Variants in GLIPR2 observed in about 807,000 individuals in gnomAD.
The protein encoded by GLIPR2 is Golgi-associated plant pathogenesis-related protein 1.
In GLIPR2, 21 loss-of-function variants were observed where a neutral mutation model predicts 20.4. The observed-to-expected ratio is 1.03, with a 90% CI of 0.73 to 1.48. The LOEUF (loss-of-function observed/expected upper bound fraction) is 1.48, where lower values mean the gene tolerates loss of function less well. GLIPR2 is among the 40% of genes most tolerant of loss of function. GLIPR2 has a pLI of 0.00. For synonymous variants in GLIPR2, 91 were observed against 80.5 expected, an observed-to-expected ratio of 1.13 and a Z score of -0.70; for missense variants, 205 against 200.1, an observed-to-expected ratio of 1.02 and a Z score of -0.15.
intron 4 of GLIPR2, among the ~76,000 whole-genome samples, chr9:36,154,311 C>T (rs984990010): frequency 6.6e-6 from 1 of 152,036 alleles, no homozygotes; most frequent in Non-Finnish European, 1.5e-5. Context: ...CTTTCCTGCC[C>T]AAGAGACAAC....
In GLIPR2 at chr9:36,138,027, G is replaced by A. The variant is rs182739858; in HGVS notation, c.13+1236G>A. The stretch of plus-strand genomic sequence containing the variant: ...CCTCCCTGTCTGTACAATGAGGGTG[G>A]CCGTATGAGCCCTGGGGTTCTTCAC... On this transcript the variant is annotated intron_variant, in intron 1 of 4. Transcript: ENST00000377960. Among the ~76,000 whole-genome samples the A allele has an allele frequency of 2.4e-3, 370 of 152,362 alleles. 8 individuals are homozygous for A. The highest frequency in any genetic ancestry group is 5.1e-4 in the Non-Finnish European group (35 of 68,032).
In GLIPR2 at chr9:36,150,897, C is replaced by G; in HGVS notation, c.252C>G (p.Tyr84Ter). 2 of 1,613,670 alleles carry G rather than the reference C, an allele frequency of 1.2e-6. No individual in the cohort carries two copies. The highest frequency in any genetic ancestry group is 1.7e-4 in the Middle Eastern group (1 of 6,056). Residue 84 changes from tyrosine (Y) to a stop codon, truncating the protein, a stop_gained, in exon 4 of 5, where the codon TAC becomes TAG. Transcript: ENST00000377960. LOFTEE classifies it high-confidence loss of function. ...GAAAGGAGGTGGCTGATAGATGGTACAGTGAAATCAAGAACTATAACTTCC... is the reference window on the plus strand; with the variant it reads ...GAAAGGAGGTGGCTGATAGATGGTAGAGTGAAATCAAGAACTATAACTTCC... ...QTGKEVADRW[Y>*]SEIKNYNFQQ...
chr9:36,161,477 T>G (rs1826048920), intron 4 of GLIPR2, among the ~76,000 whole-genome samples: 1 of 145,984 alleles, frequency 6.9e-6, no homozygotes, highest in African/African-American at 2.6e-5. Flanking sequence ...CAGGGAAAGA[T>G]GAAATTCCCT....
intron 4 of GLIPR2, among the ~76,000 whole-genome samples, chr9:36,157,713 CATATAT>C (rs141650170): frequency 9.4e-6 from 1 of 106,690 alleles, no homozygotes; most frequent in Non-Finnish European, 2.1e-5. Flanking sequence ...CACACACACA[CATATAT>C]ATATACACAT....
chr9:36,158,279 G>C (rs1825923159), intron 4 of GLIPR2, among the ~76,000 whole-genome samples: 1 of 152,200 alleles, frequency 6.6e-6, no homozygotes, highest in Admixed American at 6.5e-5. Flanking sequence ...CTGTCTTCCA[G>C]AGCAGCTGTG....
In GLIPR2 at chr9:36,158,549, G is replaced by A. The variant is rs73648725; in HGVS notation, c.305-3813G>A. On this transcript the variant is annotated intron_variant, in intron 4 of 4. Transcript: ENST00000377960. ...GCATCTACTATGTGCCAGGCCCAGT[G>A]CTAAACACTAGGTATATGGTGATCA... Among the ~76,000 whole-genome samples, 530 of 152,266 alleles carry A rather than the reference G, an allele frequency of 3.5e-3. 4 individuals are homozygous for A. Among genetic ancestry groups the A allele is most frequent in the African/African-American group, 0.012 (517 of 41,544 alleles).
At chr9:36,161,852 G>A (rs1232096994) in intron 4 of GLIPR2, among the ~76,000 whole-genome samples, 2 of 152,164 alleles carry the variant, frequency 1.3e-5, no homozygotes, top group African/African-American at 4.8e-5. Flanking sequence ...TGGTGAGGTG[G>A]GTAAGGTCTG....
intron 4 of GLIPR2, among the ~76,000 whole-genome samples, chr9:36,161,561 T>C (rs1034067077): frequency 6.7e-6 from 1 of 149,042 alleles, no homozygotes; most frequent in South Asian, 2.1e-4. Context: ...TCAATATCTA[T>C]AAGTGAGGGC....
rs1159266735 is a variant in GLIPR2, at chr9:36,152,208, G to A, written c.304+1259G>A. ...CTGGCAGGGCTTTGAGTGTGAATAG[G>A]TGATTCTGGGGCAAGGATACCTAAG... On this transcript the variant is annotated intron_variant, in intron 4 of 4. Coordinates refer to ENST00000377960, the MANE Select transcript of GLIPR2 (RefSeq NM_022343.4). 2.6e-5 allele frequency among the ~76,000 whole-genome samples: 4 copies of A among 152,186 alleles called. No individual in the cohort carries two copies. In the East Asian group the frequency reaches 5.8e-4, roughly 22 times the overall value.
In GLIPR2 at chr9:36,161,568, G is replaced by A. The variant is rs959386618; in HGVS notation, c.305-794G>A. Among the ~76,000 whole-genome samples the A allele has an allele frequency of 3.3e-5, 5 of 152,186 alleles. No homozygotes were observed. In the South Asian group the frequency reaches 6.2e-4, roughly 19 times the overall value. On this transcript the variant is annotated intron_variant, in intron 4 of 4. Coordinates refer to ENST00000377960, the MANE Select transcript of GLIPR2 (RefSeq NM_022343.4). Reference sequence around the variant, plus strand: ...TGGGTCCTTCAATATCTATAAGTGAGGGCGAGGAGGCGGAAGAGGAGGCAG... The same window carrying A: ...TGGGTCCTTCAATATCTATAAGTGAAGGCGAGGAGGCGGAAGAGGAGGCAG...
chr9:36,160,120 C>T (rs377764438), intron 4 of GLIPR2, among the ~76,000 whole-genome samples: 9 of 151,936 alleles, frequency 5.9e-5, no homozygotes, highest in Non-Finnish European at 1.0e-4. Flanking sequence ...TTTGGGAAAC[C>T]GAGGCAATTC....
intron 4 of GLIPR2, among the ~76,000 whole-genome samples, chr9:36,158,492 G>T (rs931548650): frequency 6.6e-5 from 10 of 151,914 alleles, no homozygotes; most frequent in Non-Finnish European, 1.3e-4. Flanking sequence ...CCCTCCCTCC[G>T]TTTCTTCCTT....
chr9:36,142,474 A>T lies in GLIPR2; in HGVS notation c.14-5312A>T, dbSNP rs900840747. Among the ~76,000 whole-genome samples the T allele has an allele frequency of 2.6e-5, 4 of 152,198 alleles. No homozygotes were observed. The East Asian group carries it at 7.7e-4, about 29-fold the overall frequency. On this transcript the variant is annotated intron_variant, in intron 1 of 4. Coordinates refer to ENST00000377960, the MANE Select transcript of GLIPR2 (RefSeq NM_022343.4). ...CAGCTCCCACAGAAGATGGCGAGAAATAAGATCATGCGTAGGCCCAGCACA... is the reference window on the plus strand; with the variant it reads ...CAGCTCCCACAGAAGATGGCGAGAATTAAGATCATGCGTAGGCCCAGCACA...
rs1826159635 is a variant in GLIPR2, at chr9:36,163,610, CTG to C, written c.*1092_*1093del. The C allele has an allele frequency of 1.3e-5, 2 of 152,766 alleles. No individual in the cohort carries two copies. The highest frequency in any genetic ancestry group is 2.9e-5 in the Non-Finnish European group (2 of 68,398). 9.5% of individuals were successfully genotyped at this position (152,766 alleles called of 1,614,324 possible). On this transcript the variant is annotated 3_prime_UTR_variant, in exon 5 of 5. Coordinates refer to ENST00000377960, the MANE Select transcript of GLIPR2 (RefSeq NM_022343.4). The stretch of plus-strand genomic sequence containing the variant: ...GGGGCTTAGAAGTGCTAATATGGTT[CTG>C]TGTTTTGCCTGAAACGATACCAGGT...
chr9:36,150,823 G>A (rs1255585746), intron 3 of GLIPR2, 49 bp from the exon 4 acceptor site: 1 of 1,360,732 alleles, frequency 7.3e-7, no homozygotes, highest in Admixed American at 1.7e-5. Flanking sequence ...GGAATAGGGA[G>A]TGGGTGGATT....
In GLIPR2 at chr9:36,163,091, C is replaced by T. The variant is rs1216842027; in HGVS notation, c.*569C>T. On this transcript the variant is annotated 3_prime_UTR_variant, in exon 5 of 5. Coordinates refer to ENST00000377960, the MANE Select transcript of GLIPR2 (RefSeq NM_022343.4). ...ATTTCTCAGTTGTAAAACATGATGT[C>T]ATCCTGCATGCCTCCTGGAATTCTC... 1 of 313,136 alleles carries T rather than the reference C, an allele frequency of 3.2e-6. No individual in the cohort carries two copies. The highest frequency in any genetic ancestry group is 2.3e-5 in the African/African-American group (1 of 44,342). The allele number at this position is 313,136 out of a possible 1,614,324, so 19.4% of individuals were successfully genotyped here.
In GLIPR2 at chr9:36,151,396, C is replaced by A. The variant is rs545580202; in HGVS notation, c.304+447C>A. 9.3e-4 allele frequency among the ~76,000 whole-genome samples: 142 copies of A among 152,310 alleles called. 1 individual carries two copies. Among genetic ancestry groups the A allele is most frequent in the Admixed American group, 3.9e-3 (59 of 15,298 alleles). On this transcript the variant is annotated intron_variant, in intron 4 of 4. Transcript: ENST00000377960. The stretch of plus-strand genomic sequence containing the variant: ...ATCCAACTGCCATGGCTCCCTGGGG[C>A]CATCAGGAGAAGGCTCAAGCTGCTG...
rs566264658 is a variant in GLIPR2 at position 36,147,266 on chromosome 9, C to T, written c.14-520C>T. On this transcript the variant is annotated intron_variant, in intron 1 of 4. Coordinates refer to ENST00000377960, the MANE Select transcript of GLIPR2 (RefSeq NM_022343.4). ...TTCACCCACCCAGCATAGGTGCCCTCCTCCCCAGCCAGGAGGCCTCTTTCT... is the reference window on the plus strand; with the variant it reads ...TTCACCCACCCAGCATAGGTGCCCTTCTCCCCAGCCAGGAGGCCTCTTTCT... Among the ~76,000 whole-genome samples, 213 of 152,294 alleles carry T rather than the reference C, an allele frequency of 1.4e-3. 2 individuals carry two copies. Among genetic ancestry groups the T allele is most frequent in the African/African-American group, 4.9e-3 (202 of 41,554 alleles).
At chr9:36,162,329 C>T (rs770135890) in intron 4 of GLIPR2, 33 bp from the exon 5 acceptor site, 20 of 1,601,792 alleles carry the variant, frequency 1.2e-5, no homozygotes, top group Middle Eastern at 1.7e-4. Context: ...CTAATTCAGC[C>T]GTGTCCCTCT....
Sources: allele counts gnomAD v4.1 joint callset (sites outside exome capture counted in the v4.1 genomes callset), GRCh38; gene constraint gnomAD v4.1.1; transcripts MANE v1.5; gene names NCBI Gene and HGNC (gene_info 2026-07-23, HGNC 2026-07-21).